ARID5B: variants seen among roughly 807,000 people sequenced by gnomAD.
The protein encoded by ARID5B is AT-rich interaction domain 5B.
Under a neutral mutation model 97.2 loss-of-function variants are expected in ARID5B, and 13 were observed. That is an observed-to-expected ratio of 0.13 (90% CI 0.09 to 0.21). The LOEUF is 0.21. Ranked by LOEUF, ARID5B falls within the 10% of genes least tolerant of loss-of-function variation. ARID5B has a pLI of 1.00. For missense variants in ARID5B, 1,210 were observed against 1,465.3 expected (o/e 0.83, Z 2.84); for synonymous variants, 556 against 570.3 (o/e 0.97, Z 0.36).
chr10:62,046,573 T>G (rs961622980), intron 4 of ARID5B: 2 of 152,208 alleles, frequency 1.3e-5, no homozygotes, highest in African/African-American at 4.8e-5. Context: ...GGAGGTAGCT[T>G]GATTCTCTGA....
At chr10:61,982,281 A>G (rs1055872490) in intron 3 of ARID5B, among the ~76,000 whole-genome samples, 3 of 152,178 alleles carry the variant, frequency 2.0e-5, no homozygotes, top group African/African-American at 7.2e-5. Context: ...TTTTTTAAAA[A>G]AAGTCAGACA....
chr10:62,011,015 A>G (rs2893878), intron 4 of ARID5B, among the ~76,000 whole-genome samples: 152,292 of 152,302 alleles, frequency 1, 76,141 homozygotes, highest in Non-Finnish European at 1. Context: ...CCAGTATAAC[A>G]TTCTCATATG....
intron 3 of ARID5B, among the ~76,000 whole-genome samples, chr10:61,975,740 CCTGT>C (rs766132846): frequency 2.6e-4 from 40 of 152,062 alleles, no homozygotes; most frequent in Non-Finnish European, 4.6e-4. Flanking sequence ...GGTGACTTTG[CCTGT>C]CTATTAATAT....
At chr10:61,961,842 G>T (rs185130566) in intron 3 of ARID5B, among the ~76,000 whole-genome samples, 1 of 152,016 alleles carries the variant, frequency 6.6e-6, no homozygotes, top group Non-Finnish European at 1.5e-5. Context: ...CTGCCTCCCC[G>T]GTTCAAGTGA....
chr10:62,076,765 G>A (rs1840142751), intron 8 of ARID5B, among the ~76,000 whole-genome samples: 2 of 152,140 alleles, frequency 1.3e-5, no homozygotes, highest in African/African-American at 4.8e-5. Context: ...GGCAGGTAGT[G>A]TAGTTTATCC....
rs190335121 is a variant in ARID5B, at chr10:62,067,212, G to A, written c.1102-2488G>A. On this transcript the variant is annotated intron_variant, in intron 7 of 9. Coordinates refer to ENST00000279873, the MANE Select transcript of ARID5B (RefSeq NM_032199.3). ...CAATTCTCCTGCCTCAGCATCCCGA[G>A]TAGCTGGGATTACAGGCATGCGCCA... Among the ~76,000 whole-genome samples the A allele has an allele frequency of 3.4e-3, 519 of 152,194 alleles. 2 individuals are homozygous for A. Among genetic ancestry groups the A allele is most frequent in the Middle Eastern group, 0.014 (4 of 294 alleles).
intron 4 of ARID5B, among the ~76,000 whole-genome samples, chr10:62,033,011 T>C (rs899952243): frequency 6.6e-6 from 1 of 152,210 alleles, no homozygotes; most frequent in African/African-American, 2.4e-5. Flanking sequence ...TCCTGAAAGA[T>C]AAGTTTGTCT....
At chr10:62,034,953 G>A (rs1477282671) in intron 4 of ARID5B, among the ~76,000 whole-genome samples, 1 of 152,286 alleles carries the variant, frequency 6.6e-6, no homozygotes, top group East Asian at 1.9e-4. Context: ...TTTTCTTGTT[G>A]TAGGGGCTCT....
chr10:61,982,881 G>A (rs945166904), intron 3 of ARID5B, among the ~76,000 whole-genome samples: 24 of 152,112 alleles, frequency 1.6e-4, no homozygotes, highest in African/African-American at 4.8e-4. Context: ...ATAAACCCCC[G>A]CCAAGGTGAT....
intron 2 of ARID5B, among the ~76,000 whole-genome samples, chr10:61,909,325 T>TG (rs1410241368): frequency 7.3e-6 from 1 of 137,634 alleles, no homozygotes; most frequent in African/African-American, 2.8e-5. Context: ...TGAGTTTTTT[T>TG]TTTTTTTTTT....
At chr10:61,930,053 A>T (rs1844176807) in intron 2 of ARID5B, among the ~76,000 whole-genome samples, 1 of 152,194 alleles carries the variant, frequency 6.6e-6, no homozygotes, top group Non-Finnish European at 1.5e-5. Flanking sequence ...CAAACAGTAC[A>T]ATGTAGTCAT....
chr10:61,919,863 G>T (rs949558299), intron 2 of ARID5B, among the ~76,000 whole-genome samples: 2 of 151,756 alleles, frequency 1.3e-5, no homozygotes, highest in Non-Finnish European at 2.9e-5. Flanking sequence ...TTTTTTAAAT[G>T]CAGATCGTAT....
intron 4 of ARID5B, among the ~76,000 whole-genome samples, chr10:62,048,960 A>T (rs1839748251): frequency 1.3e-5 from 2 of 152,178 alleles, no homozygotes; most frequent in Non-Finnish European, 2.9e-5. Flanking sequence ...TGTTATTTTG[A>T]TAAGGGACTT....
chr10:61,943,886 C>A (rs1844458002), intron 3 of ARID5B, among the ~76,000 whole-genome samples: 1 of 152,062 alleles, frequency 6.6e-6, no homozygotes, highest in African/African-American at 2.4e-5. Flanking sequence ...TTATCCCCTT[C>A]CCCCTTGAGG....
rs773324043 is a variant in ARID5B at position 62,092,634 on chromosome 10, G to T, written c.3171G>T (p.Ala1057=). 3.7e-6 allele frequency: 6 copies of T among 1,614,166 alleles called. No individual in the cohort carries two copies. Among genetic ancestry groups the T allele is most frequent in the Non-Finnish European group, 5.1e-6 (6 of 1,180,014 alleles). ...SEQESEGSKA[A]HGGHSGGGSE... ...AGGAGAGTGAAGGCAGCAAAGCAGC[G>T]CACGGTGGGCATTCCGGGGGCGGAT... is the stretch of plus-strand genomic sequence containing the variant. Residue 1057 remains alanine, a synonymous_variant, in exon 10 of 10, where the codon GCG becomes GCT. Transcript: ENST00000279873.
intron 3 of ARID5B, among the ~76,000 whole-genome samples, chr10:61,953,960 A>G (rs1838357312): frequency 6.6e-6 from 1 of 152,238 alleles, no homozygotes; most frequent in East Asian, 1.9e-4. Flanking sequence ...TTAATTCACA[A>G]ACACTTGAGT....
At chr10:61,972,335 C>A (rs1368524025) in intron 3 of ARID5B, among the ~76,000 whole-genome samples, 1 of 148,464 alleles carries the variant, frequency 6.7e-6, no homozygotes, top group Non-Finnish European at 1.5e-5. Context: ...TCAAGGGATT[C>A]TCCTGCCTCA....
intron 3 of ARID5B, among the ~76,000 whole-genome samples, chr10:61,967,775 C>T (rs984161249): frequency 6.6e-6 from 1 of 152,134 alleles, no homozygotes; most frequent in Non-Finnish European, 1.5e-5. Flanking sequence ...ATGTGTGTGC[C>T]ATTTACAACA....
intron 4 of ARID5B, among the ~76,000 whole-genome samples, chr10:62,027,856 G>A (rs1839442386): frequency 6.6e-6 from 1 of 152,116 alleles, no homozygotes; most frequent in Non-Finnish European, 1.5e-5. Context: ...ACATTCCAGT[G>A]AGTTCAGCAC....
Sources: gnomAD v4.1 joint callset for allele counts (sites outside exome capture counted in the v4.1 genomes callset) on GRCh38, gnomAD v4.1.1 for gene constraint, MANE v1.5 for transcripts, NCBI Gene and HGNC (gene_info 2026-07-23, HGNC 2026-07-21) for gene names.